Variants in KRT32 observed in about 807,000 individuals in gnomAD.
KRT32 encodes keratin 32, also known as keratin, type I cuticular Ha2.
Under a neutral mutation model 41.8 loss-of-function variants are expected in KRT32, and 44 were observed. The ratio of observed to expected loss-of-function variants is 1.05; its 90% CI spans 0.83 to 1.35. The LOEUF (loss-of-function observed/expected upper bound fraction) is 1.35, where lower values mean the gene tolerates loss of function less well. Among genes scored for constraint, KRT32 ranks in the 40% most tolerant of loss-of-function variants. The pLI, the probability that KRT32 is intolerant of heterozygous loss-of-function variation, is 0.00. For missense variants in KRT32, 576 were observed against 584.6 expected (o/e 0.99, Z 0.15); for synonymous variants, 238 against 242.5 (o/e 0.98, Z 0.17).
At chr17:41,466,832 C>A (rs761450626) in intron 1 of KRT32, 26 bp downstream of exon 1, 4 of 1,526,794 alleles carry the variant, frequency 2.6e-6, no homozygotes, top group Non-Finnish European at 2.7e-6. Flanking sequence ...TCCCAGAGAG[C>A]CTATTCACCT....
At position 41,464,150 on chromosome 17, in the gene KRT32, G is replaced by A. The variant is rs947024811; in HGVS notation, c.924C>T (p.Tyr308=). 2.5e-6 allele frequency: 4 copies of A among 1,613,018 alleles called. No homozygotes were observed. In the African/African-American group the frequency reaches 5.3e-5, roughly 22 times the overall value. ...VATSSEQLQN[Y]QSDIIDLRRT... ...GTCTCAGGTCAATGATGTCTGACTGGTAGTTCTGAAGCTGCTCAGAGCTTG... is the reference window on the plus strand; with the variant it reads ...GTCTCAGGTCAATGATGTCTGACTGATAGTTCTGAAGCTGCTCAGAGCTTG... Residue 308 remains tyrosine (Y), a synonymous_variant, in exon 5 of 7, where the codon TAC becomes TAT. Coordinates refer to ENST00000225899, the MANE Select transcript of KRT32 (RefSeq NM_002278.3).
chr17:41,466,934 G>A lies in KRT32; in HGVS notation c.392C>T (p.Ala131Val), dbSNP rs1380993351. 4 of 1,614,218 alleles carry A rather than the reference G, an allele frequency of 2.5e-6. No homozygotes were observed. Among genetic ancestry groups the A allele is most frequent in the Non-Finnish European group, 3.4e-6 (4 of 1,180,046 alleles). Residue 131 changes from alanine (A) to valine (V), a missense_variant, in exon 1 of 7, where the codon GCC becomes GTC. Physicochemically the swap from Ala to Val is moderately conservative, Grantham distance 64. Coordinates refer to ENST00000225899, the MANE Select transcript of KRT32 (RefSeq NM_002278.3). The part of the protein sequence containing the change: ...NAELESRIQE[A>V]SHSQVLTMTP... ...CATGGTGAGCACCTGGGAGTGAGAG[G>A]CCTCTTGGATCCTGCTCTCCAGCTC... is the stretch of plus-strand genomic sequence containing the variant.
rs187136639 is a variant in KRT32 at position 41,464,158 on chromosome 17, G to C, written c.916C>G (p.Gln306Glu). ...QQVATSSEQL[Q>E]NYQSDIIDLR... ...TCAATGATGTCTGACTGGTAGTTCT[G>C]AAGCTGCTCAGAGCTTGTGGCCACC... Residue 306 changes from glutamine to glutamate, a missense_variant, in exon 5 of 7, where the codon CAG (glutamine) becomes GAG (glutamate). Coordinates refer to ENST00000225899, the MANE Select transcript of KRT32 (RefSeq NM_002278.3). The C allele has an allele frequency of 1.2e-5, 20 of 1,613,030 alleles. No homozygotes were observed. In the African/African-American group the frequency reaches 1.5e-4, roughly 12 times the overall value.
In KRT32 at chr17:41,464,067, G is replaced by A. The variant is rs1308139423; in HGVS notation, c.996+11C>T. 6.4e-7 allele frequency: 1 copy of A among 1,571,404 alleles called. No individual in the cohort carries two copies. The highest frequency in any genetic ancestry group is 1.8e-5 in the Admixed American group (1 of 54,856). ...ATCCGGAGGGATGGGTGCCCACCCA[G>A]CAGCTCTCACCAGGCTGTGCTGGGC... On this transcript the variant is annotated intron_variant, in intron 5 of 6. Transcript: ENST00000225899.
chr17:41,465,983 G>T, intron 2 of KRT32, 54 bp from the exon 3 acceptor site: 1 of 1,602,942 alleles, frequency 6.2e-7, no homozygotes, highest in Non-Finnish European at 8.5e-7. Flanking sequence ...AGAACTCAGG[G>T]AAGGCCTTAA....
intron 3 of KRT32, among the ~76,000 whole-genome samples, chr17:41,465,025 A>C (rs914304509): frequency 6.6e-6 from 1 of 152,216 alleles, no homozygotes; most frequent in African/African-American, 2.4e-5. Flanking sequence ...AAACCCAGCC[A>C]AGATTCAGAG....
At chr17:41,464,564 A>C in intron 3 of KRT32, 121 bp from the exon 4 acceptor site, 1 of 919,382 alleles carries the variant, frequency 1.1e-6, no homozygotes, top group Non-Finnish European at 1.6e-6. Flanking sequence ...GATGGCCCCT[A>C]AGGACTGCAG....
In KRT32 at chr17:41,467,062, G is replaced by A. The variant is rs755257444; in HGVS notation, c.264C>T (p.Ser88=). The A allele has an allele frequency of 1.7e-5, 28 of 1,614,088 alleles. No individual in the cohort carries two copies. The highest frequency in any genetic ancestry group is 1.3e-4 in the Admixed American group (8 of 60,012). ...SGSMGPGSWY[S]EGAFNGNEKE... The stretch of plus-strand genomic sequence containing the variant: ...TCTCATTGCCATTGAAGGCCCCTTC[G>A]CTGTACCAGCTGCCGGGGCCCATGG... The change falls in exon 1 of 7, where the codon AGC becomes AGT. Residue 88 remains serine, a synonymous_variant. Transcript: ENST00000225899.
chr17:41,467,017 A>G lies in KRT32; in HGVS notation c.309T>C (p.Leu103=), dbSNP rs201698795. Residue 103 remains leucine, a synonymous_variant, in exon 1 of 7, where the codon CTT becomes CTC. Transcript: ENST00000225899. ...TCAGGTAGCTGGCCAGGCGGTCGTT[A>G]AGGAACTGCATGGTTTCCTTCTCAT... The part of the protein sequence containing the change: ...NGNEKETMQF[L]NDRLASYLTR... 788 of 1,614,242 alleles carry G rather than the reference A, an allele frequency of 4.9e-4. No homozygotes were observed. Among genetic ancestry groups the G allele is most frequent in the Admixed American group, 2.1e-3 (126 of 60,030 alleles).
rs768194113 is a variant in KRT32, at chr17:41,462,825, C to T, written c.1217+5G>A. ...TCTCTCTAAGCCTCAGCTGGGCCTGCGTACTTGCAGTCCTCGTTCTCCAGC... is the reference window on the plus strand; with the variant it reads ...TCTCTCTAAGCCTCAGCTGGGCCTGTGTACTTGCAGTCCTCGTTCTCCAGC... On this transcript the variant is annotated splice_donor_5th_base_variant and intron_variant, in intron 6 of 6. Transcript: ENST00000225899. The T allele has an allele frequency of 9.3e-6, 15 of 1,612,632 alleles. No individual in the cohort carries two copies. Among genetic ancestry groups the T allele is most frequent in the African/African-American group, 4.0e-5 (3 of 74,890 alleles).
Position 41,460,216 on chromosome 17 carries a change from G to T in KRT32, c.1241C>A (p.Thr414Asn), listed in dbSNP as rs1286132236. The change falls in exon 7 of 7, where the codon ACT (threonine) becomes AAT (asparagine). Residue 414 changes from threonine to asparagine, a missense_variant. Physicochemically the swap from Thr to Asn is moderately conservative, Grantham distance 65. Coordinates refer to ENST00000225899, the MANE Select transcript of KRT32 (RefSeq NM_002278.3). ...DCKLPCNPCSTPSCTTCVPSP... is the reference protein window; with the variant it reads ...DCKLPCNPCSNPSCTTCVPSP... ...GGGCACACAGGTGGTGCAGGAAGGA[G>T]TGGAGCATGGGTTACAGGGCAGCCT... 1 of 1,606,834 alleles carries T rather than the reference G, an allele frequency of 6.2e-7. No homozygotes were observed.
chr17:41,464,068 C>T lies in KRT32; in HGVS notation c.996+10G>A. ...TCCGGAGGGATGGGTGCCCACCCAGCAGCTCTCACCAGGCTGTGCTGGGCC... is the reference window on the plus strand; with the variant it reads ...TCCGGAGGGATGGGTGCCCACCCAGTAGCTCTCACCAGGCTGTGCTGGGCC... On this transcript the variant is annotated intron_variant, in intron 5 of 6. Transcript: ENST00000225899. The T allele has an allele frequency of 6.4e-7, 1 of 1,571,288 alleles. No individual in the cohort carries two copies. Among genetic ancestry groups the T allele is most frequent in the Non-Finnish European group, 8.6e-7 (1 of 1,159,502 alleles).
rs1251454983 is a variant in KRT32 at position 41,467,346 on chromosome 17, T to C, written c.-21A>G. ...GTCATGTTGGAGAGGCCCTTTCTCCTCAGCCACAGCTACCTGGATGTCTAC... is the reference window on the plus strand; with the variant it reads ...GTCATGTTGGAGAGGCCCTTTCTCCCCAGCCACAGCTACCTGGATGTCTAC... On this transcript the variant is annotated 5_prime_UTR_variant, in exon 1 of 7. Coordinates refer to ENST00000225899, the MANE Select transcript of KRT32 (RefSeq NM_002278.3). 6.4e-7 allele frequency: 1 copy of C among 1,562,938 alleles called. No homozygotes were observed. Among genetic ancestry groups the C allele is most frequent in the South Asian group, 1.2e-5 (1 of 86,642 alleles).
At position 41,466,133 on chromosome 17, in the gene KRT32, A is replaced by G. The variant is rs2071560; in HGVS notation, c.512T>C (p.Ile171Thr). 15,227 of 1,614,130 alleles carry G rather than the reference A, an allele frequency of 9.4e-3. 587 individuals are homozygous for G. The East Asian group carries it at 0.12, about 12-fold the overall frequency. Reference protein sequence around the residue: ...KAENARMVVNIDNAKLAADDF... With the variant: ...KAENARMVVNTDNAKLAADDF... ...ATCGGCAGCCAGTTTGGCATTATCA[A>G]TGTTCACAACCATCCTGGCATTCTC... The change falls in exon 2 of 7, where the codon ATT becomes ACT. Residue 171 changes from isoleucine (I) to threonine (T), a missense_variant. Transcript: ENST00000225899.
At position 41,461,222 on chromosome 17, in the gene KRT32, G is replaced by T. The variant is rs531313476; in HGVS notation, c.1218-983C>A. 4.6e-5 allele frequency among the ~76,000 whole-genome samples: 7 copies of T among 152,274 alleles called. No homozygotes were observed. The South Asian group carries it at 1.0e-3, about 23-fold the overall frequency. On this transcript the variant is annotated intron_variant, in intron 6 of 6. Transcript: ENST00000225899. ...TCATTCTATTATGGTCTGTCTCCCC[G>T]GCCAAGCAGTGAGGCCAGCAGCCAC...
intron 2 of KRT32, 82 bp downstream of exon 2, chr17:41,466,012 C>A: frequency 6.2e-7 from 1 of 1,602,028 alleles, no homozygotes; most frequent in Non-Finnish European, 8.5e-7. Flanking sequence ...CACTTTCCAA[C>A]CCTCCGTGAA....
chr17:41,465,845 G>A lies in KRT32; in HGVS notation c.636C>T (p.Cys212=). ...CAACCTGGGCCTCCAGGTCAGCCTT[G>A]CACAGAGTGAGATCATCCAGGATCC... ...LRRILDDLTL[C]KADLEAQVES... is the part of the protein sequence containing the mutation. The change falls in exon 3 of 7, where the codon TGC becomes TGT. Residue 212 remains cysteine (C), a synonymous_variant. Coordinates refer to ENST00000225899, the MANE Select transcript of KRT32 (RefSeq NM_002278.3). 6.2e-7 allele frequency: 1 copy of A among 1,614,032 alleles called. No homozygotes were observed. Among genetic ancestry groups the A allele is most frequent in the Non-Finnish European group, 8.5e-7 (1 of 1,179,964 alleles).
At chr17:41,461,811 C>T (rs577513397) in intron 6 of KRT32, among the ~76,000 whole-genome samples, 2 of 152,212 alleles carry the variant, frequency 1.3e-5, no homozygotes, top group African/African-American at 2.4e-5. Context: ...ATGCCAAATG[C>T]GGAATAAGAA....
intron 6 of KRT32, among the ~76,000 whole-genome samples, chr17:41,460,811 C>T (rs975299047): frequency 6.6e-6 from 1 of 152,154 alleles, no homozygotes; most frequent in Admixed American, 6.5e-5. Context: ...GGCACATGTA[C>T]ACCTATGTAA....
Sources: allele counts gnomAD v4.1 joint callset (sites outside exome capture counted in the v4.1 genomes callset), GRCh38; gene constraint gnomAD v4.1.1; transcripts MANE v1.5; gene names NCBI Gene and HGNC (gene_info 2026-07-23, HGNC 2026-07-21).